The following ABCC4 variants were observed in gnomAD, a reference collection of about 807,000 sequenced individuals.
The protein encoded by ABCC4 is ATP binding cassette subfamily C member 4 (PEL blood group).
ABCC4 carries 102 observed loss-of-function variants against 168.5 expected under a neutral mutation model. The ratio of observed to expected loss-of-function variants is 0.61; its 90% CI spans 0.52 to 0.71. The LOEUF is 0.71. ABCC4 is among the 30% of genes least tolerant of loss of function. The probability of loss-of-function intolerance (pLI) is 0.00; values close to 1 mark genes in which losing one functional copy is unlikely to be tolerated. For missense variants in ABCC4, 1,402 were observed against 1,605.8 expected (o/e 0.87, Z 2.17); for synonymous variants, 617 against 590.7 (o/e 1.04, Z -0.65).
At chr13:95,050,866 G>A (rs1360872695) in intron 27 of ABCC4, among the ~76,000 whole-genome samples, 1 of 152,210 alleles carries the variant, frequency 6.6e-6, no homozygotes, top group Admixed American at 6.5e-5. Context: ...ATAGAGAAAT[G>A]TGTTTCTAAA....
rs1034992361 is a variant in ABCC4, at chr13:95,279,812, C to T, written c.74+21429G>A. 5.3e-5 allele frequency among the ~76,000 whole-genome samples: 8 copies of T among 152,152 alleles called. 1 individual carries two copies. The highest frequency in any genetic ancestry group is 2.1e-4 in the South Asian group (1 of 4,804). Reference sequence around the variant, plus strand: ...AGAAAGGGGATGGGGAAGTGGGGTTCGCCATGTTCACGAGCTCCTGGAGCC... The same window carrying T: ...AGAAAGGGGATGGGGAAGTGGGGTTTGCCATGTTCACGAGCTCCTGGAGCC... On this transcript the variant is annotated intron_variant, in intron 1 of 30. Transcript: ENST00000645237.
At position 95,198,364 on chromosome 13, in the gene ABCC4, T is replaced by A. The variant is rs541070888; in HGVS notation, c.1162-3427A>T. On this transcript the variant is annotated intron_variant, in intron 8 of 30. Coordinates refer to ENST00000645237, the MANE Select transcript of ABCC4 (RefSeq NM_005845.5). ...CAACAAACATATGAAAAAAAGCTCA[T>A]TATCACTGGTCATTAAAGAAATGCA... Among the ~76,000 whole-genome samples the A allele has an allele frequency of 2.0e-5, 3 of 152,284 alleles. No homozygotes were observed. In the East Asian group the frequency reaches 5.8e-4, roughly 29 times the overall value.
intron 1 of ABCC4, among the ~76,000 whole-genome samples, chr13:95,286,050 A>C (rs1476116730): frequency 6.6e-6 from 1 of 151,912 alleles, no homozygotes; most frequent in Non-Finnish European, 1.5e-5. Context: ...GGAAAAAGGG[A>C]AGTCAGCCAG....
intron 19 of ABCC4, among the ~76,000 whole-genome samples, chr13:95,160,755 C>A (rs1044878615): frequency 6.6e-6 from 1 of 152,170 alleles, no homozygotes; most frequent in African/African-American, 2.4e-5. Context: ...AAGAAATGCA[C>A]GGCCTGTCTC....
At chr13:95,066,927 G>C (rs935440964) in intron 25 of ABCC4, among the ~76,000 whole-genome samples, 1 of 152,210 alleles carries the variant, frequency 6.6e-6, no homozygotes, top group Non-Finnish European at 1.5e-5. Flanking sequence ...AGTATAAGAA[G>C]GTGGCTAGGA....
chr13:95,151,820 G>A (rs1594189525), intron 19 of ABCC4, among the ~76,000 whole-genome samples: 1 of 152,274 alleles, frequency 6.6e-6, no homozygotes, highest in South Asian at 2.1e-4. Flanking sequence ...AGAACCCTGA[G>A]GCTAAGAGAA....
chr13:95,068,709 G>T (rs1267812234), intron 25 of ABCC4, among the ~76,000 whole-genome samples: 1 of 152,190 alleles, frequency 6.6e-6, no homozygotes, highest in South Asian at 2.1e-4. Flanking sequence ...ATTTGGGGGG[G>T]TTTTAAGATG....
chr13:95,169,381 A>C (rs2037390210), intron 14 of ABCC4, among the ~76,000 whole-genome samples: 3 of 152,176 alleles, frequency 2.0e-5, no homozygotes, highest in Non-Finnish European at 4.4e-5. Context: ...TCACAGATCA[A>C]ACCATGTCAC....
chr13:95,137,731 T>C (rs1438088848), intron 19 of ABCC4, among the ~76,000 whole-genome samples: 1 of 152,130 alleles, frequency 6.6e-6, no homozygotes, highest in African/African-American at 2.4e-5. Flanking sequence ...AAGCACGATG[T>C]GGACAGGAAG....
chr13:95,255,540 C>T (rs2040372101), intron 1 of ABCC4, among the ~76,000 whole-genome samples: 1 of 152,192 alleles, frequency 6.6e-6, no homozygotes, highest in Admixed American at 6.5e-5. Flanking sequence ...TGGTCCCAAC[C>T]CAGCTTATCT....
chr13:95,166,087 T>G, intron 15 of ABCC4, 71 bp downstream of exon 15: 1 of 1,333,464 alleles, frequency 7.5e-7, no homozygotes. Flanking sequence ...TTGAACAGAG[T>G]AGACCAAAGA....
chr13:95,042,942 GTAT>G (rs2032421239), intron 29 of ABCC4, among the ~76,000 whole-genome samples: 1 of 152,164 alleles, frequency 6.6e-6, no homozygotes, highest in African/African-American at 2.4e-5. Context: ...GGTAATCTTT[GTAT>G]TATTAGTAGA....
chr13:95,032,965 CT>C (rs74329595), intron 30 of ABCC4, among the ~76,000 whole-genome samples: 1,443 of 86,206 alleles, frequency 0.017, 7 homozygotes, highest in African/African-American at 0.064. Context: ...CACGCCTGGT[CT>C]TTTTTTTTTT....
At chr13:95,209,158 T>C (rs1318289165) in intron 6 of ABCC4, among the ~76,000 whole-genome samples, 1 of 152,214 alleles carries the variant, frequency 6.6e-6, no homozygotes, top group Admixed American at 6.5e-5. Context: ...AACTAACTTC[T>C]ACATATGTGA....
At chr13:95,089,777 G>T (rs2034372907) in intron 20 of ABCC4, among the ~76,000 whole-genome samples, 1 of 151,634 alleles carries the variant, frequency 6.6e-6, no homozygotes, top group Admixed American at 6.6e-5. Flanking sequence ...ATAAATAGTG[G>T]CAAGAAAACA....
chr13:95,078,431 GCA>G (rs1566398275), intron 21 of ABCC4, among the ~76,000 whole-genome samples: 3 of 61,660 alleles, frequency 4.9e-5, no homozygotes, highest in Non-Finnish European at 7.3e-5. Context: ...AAAAACAAAA[GCA>G]AGAAAACAAA....
intron 11 of ABCC4, among the ~76,000 whole-genome samples, chr13:95,185,245 G>T (rs564359748): frequency 6.6e-6 from 1 of 152,252 alleles, no homozygotes; most frequent in East Asian, 1.9e-4. Flanking sequence ...GTGTGAGCGT[G>T]TGAGACAGAG....
chr13:95,280,699 G>C (rs1294290898), intron 1 of ABCC4, among the ~76,000 whole-genome samples: 3 of 151,822 alleles, frequency 2.0e-5, no homozygotes. Context: ...TCCTGGAAGG[G>C]ACTCTCAGAA....
intron 20 of ABCC4, among the ~76,000 whole-genome samples, chr13:95,105,691 C>T (rs932231506): frequency 2.6e-5 from 4 of 152,110 alleles, no homozygotes; most frequent in African/African-American, 9.7e-5. Flanking sequence ...GTGGCCTCGG[C>T]ACTGCTGGAC....
Sources: gnomAD v4.1 joint callset for allele counts (sites outside exome capture counted in the v4.1 genomes callset) on GRCh38, gnomAD v4.1.1 for gene constraint, MANE v1.5 for transcripts, NCBI Gene and HGNC (gene_info 2026-07-23, HGNC 2026-07-21) for gene names.